Variants in ETV6 observed in about 807,000 individuals in gnomAD.
ETV6 encodes transcription factor ETV6.
ETV6 carries 16 observed loss-of-function variants against 51.1 expected under a neutral mutation model. That is an observed-to-expected ratio of 0.31 (90% CI 0.21 to 0.48). The LOEUF (loss-of-function observed/expected upper bound fraction) is 0.48. Ranked by LOEUF, ETV6 falls within the 20% of genes least tolerant of loss-of-function variation. The pLI, the probability that ETV6 is intolerant of heterozygous loss-of-function variation, is 0.99. For synonymous variants in ETV6, 240 were observed against 224.1 expected (o/e 1.07, Z -0.64); for missense variants, 458 against 594.8 (o/e 0.77, Z 2.39).
intron 1 of ETV6, among the ~76,000 whole-genome samples, chr12:11,657,138 A>AAG (rs1864014377): frequency 6.6e-6 from 1 of 152,118 alleles, no homozygotes; most frequent in African/African-American, 2.4e-5. Flanking sequence ...GAAACAGAGA[A>AAG]AGAGAGAGAT....
At chr12:11,770,262 C>T (rs1048632733) in intron 2 of ETV6, among the ~76,000 whole-genome samples, 13 of 152,088 alleles carry the variant, frequency 8.5e-5, no homozygotes, top group Non-Finnish European at 1.2e-4. Context: ...TGCCTTCTCA[C>T]GTGCCTGACA....
At chr12:11,672,989 T>C (rs995153054) in intron 1 of ETV6, among the ~76,000 whole-genome samples, 1 of 152,210 alleles carries the variant, frequency 6.6e-6, no homozygotes, top group Non-Finnish European at 1.5e-5. Context: ...TGTGTTCCCT[T>C]AGCCTTTTCA....
At chr12:11,882,548 G>A (rs74062608) in intron 5 of ETV6, among the ~76,000 whole-genome samples, 13,493 of 152,226 alleles carry the variant, frequency 0.089, 1,137 homozygotes, top group African/African-American at 0.22. Flanking sequence ...ATAAGGCGGC[G>A]TAAGGGTCAG....
At chr12:11,718,219 C>A (rs547402080) in intron 1 of ETV6, among the ~76,000 whole-genome samples, 1 of 152,258 alleles carries the variant, frequency 6.6e-6, no homozygotes, top group South Asian at 2.1e-4. Context: ...TTGCCCCGTT[C>A]CAGGAACCCT....
At chr12:11,669,541 T>C (rs1346640868) in intron 1 of ETV6, among the ~76,000 whole-genome samples, 1 of 152,144 alleles carries the variant, frequency 6.6e-6, no homozygotes, top group Non-Finnish European at 1.5e-5. Context: ...CAGGCTCGCC[T>C]GCTTTTCTGC....
chr12:11,739,059 T>C (rs1473290348), intron 1 of ETV6, among the ~76,000 whole-genome samples: 1 of 152,024 alleles, frequency 6.6e-6, no homozygotes, highest in Non-Finnish European at 1.5e-5. Flanking sequence ...GGAAATTTGT[T>C]AGGTAATTTT....
chr12:11,696,536 C>T (rs1864881880), intron 1 of ETV6, among the ~76,000 whole-genome samples: 1 of 152,124 alleles, frequency 6.6e-6, no homozygotes, highest in Non-Finnish European at 1.5e-5. Flanking sequence ...AATAGGTTCC[C>T]AGCCAGGCGC....
intron 1 of ETV6, among the ~76,000 whole-genome samples, chr12:11,694,942 A>G (rs1004561279): frequency 2.6e-5 from 4 of 152,212 alleles, no homozygotes; most frequent in Admixed American, 2.0e-4. Context: ...TTAAAAAAAC[A>G]AAATTTGGAA....
intron 1 of ETV6, among the ~76,000 whole-genome samples, chr12:11,701,990 G>A (rs897107669): frequency 6.6e-6 from 1 of 152,192 alleles, no homozygotes; most frequent in African/African-American, 2.4e-5. Context: ...TGGAGAGAGT[G>A]TGGGGAATGA....
chr12:11,801,841 A>C (rs996658519), intron 2 of ETV6, among the ~76,000 whole-genome samples: 3 of 152,226 alleles, frequency 2.0e-5, no homozygotes, highest in African/African-American at 7.2e-5. Flanking sequence ...GAGCCAGTGA[A>C]TAAGCAATTA....
At chr12:11,838,139 A>G (rs1019315735) in intron 2 of ETV6, among the ~76,000 whole-genome samples, 9 of 152,190 alleles carry the variant, frequency 5.9e-5, no homozygotes, top group South Asian at 4.1e-4. Context: ...TCTGCATTCA[A>G]TCTGTTGCAA....
intron 4 of ETV6, among the ~76,000 whole-genome samples, chr12:11,865,970 G>GT (rs1238946752): frequency 6.6e-6 from 1 of 151,734 alleles, no homozygotes; most frequent in Non-Finnish European, 1.5e-5. Context: ...ATTCTACTCT[G>GT]TTTTTTTCTA....
intron 2 of ETV6, among the ~76,000 whole-genome samples, chr12:11,790,679 C>CTT (rs5796466): frequency 3.9e-4 from 39 of 100,338 alleles, no homozygotes; most frequent in South Asian, 3.3e-4. Flanking sequence ...AGAGGATAAA[C>CTT]TTTTTTTTTT....
chr12:11,826,493 A>G (rs1390331498), intron 2 of ETV6: 1 of 152,224 alleles, frequency 6.6e-6, no homozygotes, highest in East Asian at 1.9e-4. Context: ...CACTCCTACC[A>G]TCCTGCCTCC....
intron 2 of ETV6, among the ~76,000 whole-genome samples, chr12:11,758,421 C>T (rs1164942637): frequency 6.6e-6 from 1 of 152,148 alleles, no homozygotes; most frequent in Non-Finnish European, 1.5e-5. Flanking sequence ...ATGTCGTTGT[C>T]TGTGTGTTTC....
chr12:11,894,612 G>C lies in ETV6; in HGVS notation c.*3566G>C, dbSNP rs528515028. 20 of 233,210 alleles carry C rather than the reference G, an allele frequency of 8.6e-5. No individual in the cohort carries two copies. In the South Asian group the frequency reaches 3.4e-3, roughly 40 times the overall value. 14.4% of individuals were successfully genotyped at this position (233,210 alleles called of 1,614,324 possible). A position where few individuals can be genotyped will look rare whatever the true frequency, so the allele number is the denominator to read the frequency against. On this transcript the variant is annotated 3_prime_UTR_variant, in exon 8 of 8. Transcript: ENST00000396373. ...GATCTCTTGTCCAAATGAGAATGTC[G>C]CTTTAGCTGAAATTCAAATGGCTGT...
chr12:11,701,445 G>A (rs182011382), intron 1 of ETV6, among the ~76,000 whole-genome samples: 4 of 152,302 alleles, frequency 2.6e-5, no homozygotes, highest in African/African-American at 9.6e-5. Flanking sequence ...GTTGTAGCAT[G>A]TGTCAGAATT....
chr12:11,828,996 TCC>T (rs1227768417), intron 2 of ETV6, among the ~76,000 whole-genome samples: 19 of 152,136 alleles, frequency 1.2e-4, no homozygotes, highest in African/African-American at 4.6e-4. Context: ...AGCGGGCACC[TCC>T]TTCAGCCTTC....
intron 1 of ETV6, among the ~76,000 whole-genome samples, chr12:11,689,175 G>A (rs1348626313): frequency 6.6e-6 from 1 of 152,116 alleles, no homozygotes; most frequent in Non-Finnish European, 1.5e-5. Context: ...GTATGGAAGA[G>A]CATTTTAAAG....
Sources: allele counts gnomAD v4.1 joint callset (sites outside exome capture counted in the v4.1 genomes callset), GRCh38; gene constraint gnomAD v4.1.1; transcripts MANE v1.5; gene names NCBI Gene and HGNC (gene_info 2026-07-23, HGNC 2026-07-21).